Variants in CLIC5 observed in about 807,000 individuals in gnomAD.
The protein encoded by CLIC5 is CLIC family member 5.
In CLIC5, 20 loss-of-function variants were observed where a neutral mutation model predicts 24.7. The observed-to-expected ratio is 0.81, with a 90% CI of 0.57 to 1.18. The LOEUF (loss-of-function observed/expected upper bound fraction) is 1.18, where lower values mean the gene tolerates loss of function less well. Ranked by LOEUF, CLIC5 falls within the 50% of genes most tolerant of loss-of-function variation. The pLI, the probability that CLIC5 is intolerant of heterozygous loss-of-function variation, is 0.00. For missense variants in CLIC5, 341 were observed against 326.1 expected (o/e 1.05, Z -0.35); for synonymous variants, 159 against 135.6 (o/e 1.17, Z -1.20).
At chr6:46,032,283 C>T (rs1252395217) in intron 1 of CLIC5, among the ~76,000 whole-genome samples, 1 of 151,984 alleles carries the variant, frequency 6.6e-6, no homozygotes, top group Non-Finnish European at 1.5e-5. Flanking sequence ...ATCATGGGAA[C>T]AAAAAAGGGG....
chr6:45,886,260 A>G (rs1277743233), intron 6 of CLIC5, among the ~76,000 whole-genome samples: 1 of 152,204 alleles, frequency 6.6e-6, no homozygotes, highest in Non-Finnish European at 1.5e-5. Flanking sequence ...CAGTCCTGAC[A>G]CTGGCCCAGG....
chr6:46,082,428 C>G (rs893982128), upstream of CLIC5, among the ~76,000 whole-genome samples: 2 of 152,232 alleles, frequency 1.3e-5, no homozygotes, highest in African/African-American at 2.4e-5. Context: ...GCTCAAACCC[C>G]TACAATGGCT....
Position 46,054,942 on chromosome 6 carries a change from T to C in CLIC5, c.540+24761A>G, listed in dbSNP as rs533783653. On this transcript the variant is annotated intron_variant, in intron 1 of 5. Coordinates refer to the CLIC5 transcript ENST00000185206. ...ATGACCAGTGCAATGTTTTGGTGTA[T>C]GCAGTCTGTCTTCACAAAGGGTCCT... Among the ~76,000 whole-genome samples the C allele has an allele frequency of 3.3e-5, 5 of 152,348 alleles. No individual in the cohort carries two copies. In the South Asian group the frequency reaches 8.3e-4, roughly 25 times the overall value.
chr6:45,949,401 C>T lies in CLIC5; in HGVS notation c.174-20G>A. The T allele has an allele frequency of 6.2e-7, 1 of 1,608,178 alleles. No individual in the cohort carries two copies. The highest frequency in any genetic ancestry group is 2.2e-5 in the East Asian group (1 of 44,762). On this transcript the variant is annotated intron_variant, in intron 2 of 5. Coordinates refer to ENST00000339561, the MANE Select transcript of CLIC5 (RefSeq NM_016929.5). ...GGCTTTCTGTAGAGAGAGCAAGATT[C>T]AGGTGTTGGCTTACAGCAGGGTGCT...
intron 1 of CLIC5, among the ~76,000 whole-genome samples, chr6:46,055,445 C>T (rs1433221915): frequency 6.6e-6 from 1 of 152,152 alleles, no homozygotes; most frequent in Non-Finnish European, 1.5e-5. Context: ...GCCATGTTGG[C>T]CAGGCTGGTG....
the CLIC5 span, among the ~76,000 whole-genome samples, chr6:46,122,610 A>G: frequency 2.0e-5 from 3 of 152,336 alleles, no homozygotes; most frequent in South Asian, 6.2e-4. Flanking sequence ...TAGAGACACA[A>G]AAAACCCTTC....
rs6909306 is a variant in CLIC5, at chr6:45,955,389, A to C, written c.64-145T>G. The C allele has an allele frequency of 0.84, 490,535 of 585,226 alleles. 209,140 individuals carry two copies. Among genetic ancestry groups the C allele is most frequent in the Non-Finnish European group, 0.89 (295,729 of 331,076 alleles). The allele number at this position is 585,226 out of a possible 1,614,324, so 36.3% of individuals were successfully genotyped here. A position where few individuals can be genotyped will look rare whatever the true frequency, so the allele number is the denominator to read the frequency against. ...CAAAGGGCGGTAGCCTGATATTATT[A>C]GTTTTTGCCTTAATGTCCACGCAGG... On this transcript the variant is annotated intron_variant, in intron 1 of 5. Transcript: ENST00000339561.
At chr6:46,089,904 C>T in the CLIC5 span, among the ~76,000 whole-genome samples, 1,209 of 152,286 alleles carry the variant, frequency 7.9e-3, 19 homozygotes, top group African/African-American at 0.028. Flanking sequence ...TTGATGATTA[C>T]ATTTTGCAGT....
At chr6:45,895,354 A>G (rs906452296), downstream of CLIC5, among the ~76,000 whole-genome samples, 9 of 152,194 alleles carry the variant, frequency 5.9e-5, no homozygotes, top group African/African-American at 1.9e-4. Context: ...ACTCATCAAA[A>G]CCATGTGATA....
chr6:45,941,699 T>C lies in CLIC5; in HGVS notation c.300-46A>G, dbSNP rs754688819. ...TTCTGTGAATCAGTAGACTTGGAGC[T>C]CCTTTAAGGGTGAGCCTATCCCTAT... On this transcript the variant is annotated intron_variant, in intron 3 of 5. Coordinates refer to ENST00000339561, the MANE Select transcript of CLIC5 (RefSeq NM_016929.5). 6.5e-6 allele frequency: 9 copies of C among 1,390,710 alleles called. No individual in the cohort carries two copies. The East Asian group carries it at 2.1e-4, about 32-fold the overall frequency. The allele number at this position is 1,390,710 out of a possible 1,614,324, so 86.1% of individuals were successfully genotyped here.
intron 1 of CLIC5, among the ~76,000 whole-genome samples, chr6:46,001,202 A>C (rs1766343528): frequency 6.6e-6 from 1 of 152,298 alleles, no homozygotes; most frequent in Middle Eastern, 3.4e-3. Context: ...TTTCTCCAGC[A>C]GTGTCCTTAC....
intron 2 of CLIC5, among the ~76,000 whole-genome samples, chr6:45,950,969 TA>T (rs1411012208): frequency 6.6e-6 from 1 of 152,196 alleles, no homozygotes; most frequent in Non-Finnish European, 1.5e-5. Flanking sequence ...ACTTAAATGT[TA>T]TCTTAAGTTA....
chr6:46,028,147 G>A (rs997382735), intron 1 of CLIC5, among the ~76,000 whole-genome samples: 4 of 152,140 alleles, frequency 2.6e-5, no homozygotes, highest in African/African-American at 7.2e-5. Flanking sequence ...CCTAAGCTCT[G>A]CCTTACTCAT....
upstream of CLIC5, among the ~76,000 whole-genome samples, chr6:46,017,726 C>T (rs1767059723): frequency 6.6e-6 from 1 of 152,200 alleles, no homozygotes; most frequent in South Asian, 2.1e-4. Flanking sequence ...CGTAAAGATA[C>T]TATTTACCAT....
intron 1 of CLIC5, among the ~76,000 whole-genome samples, chr6:46,072,029 A>G (rs1192696594): frequency 6.6e-6 from 1 of 152,116 alleles, no homozygotes; most frequent in Non-Finnish European, 1.5e-5. Context: ...GTGGGAGCTA[A>G]ATGATGAGAA....
intron 6 of CLIC5, among the ~76,000 whole-genome samples, chr6:45,892,612 A>G (rs1042766651): frequency 7.2e-5 from 11 of 152,142 alleles, no homozygotes; most frequent in Non-Finnish European, 1.5e-4. Context: ...TGATGCAACC[A>G]TGTGTTTTAT....
At chr6:46,014,010 G>A (rs141676376) in intron 1 of CLIC5, among the ~76,000 whole-genome samples, 2 of 152,114 alleles carry the variant, frequency 1.3e-5, no homozygotes, top group African/African-American at 4.8e-5. Flanking sequence ...ACCTGGGTCT[G>A]CCAAAGGACC....
At chr6:45,974,514 T>TAGAG (rs1765315451) in intron 1 of CLIC5, among the ~76,000 whole-genome samples, 1 of 92,628 alleles carries the variant, frequency 1.1e-5, no homozygotes, top group African/African-American at 4.5e-5. Context: ...TATATATATA[T>TAGAG]ATATATATAG....
intron 1 of CLIC5, among the ~76,000 whole-genome samples, chr6:45,955,591 A>G (rs1035202685): frequency 6.6e-6 from 1 of 152,216 alleles, no homozygotes; most frequent in East Asian, 1.9e-4. Flanking sequence ...CCAAGTAATC[A>G]TCTAGTTTCT....
Sources: allele counts gnomAD v4.1 joint callset (sites outside exome capture counted in the v4.1 genomes callset), GRCh38; gene constraint gnomAD v4.1.1; transcripts MANE v1.5; gene names NCBI Gene and HGNC (gene_info 2026-07-23, HGNC 2026-07-21).